The following CD109 variants were observed in gnomAD, a reference collection of about 807,000 sequenced individuals.
CD109 encodes CD109 antigen.
A neutral mutation model predicts 165.8 loss-of-function variants in CD109; 149 were observed. The ratio of observed to expected loss-of-function variants is 0.90; its 90% CI spans 0.79 to 1.03. The LOEUF is 1.03. Among genes scored for constraint, CD109 ranks in the 50% least tolerant of loss-of-function variants. The pLI, the probability that CD109 is intolerant of heterozygous loss-of-function variation, is 0.00. For synonymous variants in CD109, 585 were observed against 592.1 expected (o/e 0.99, Z 0.18); for missense variants, 1,712 against 1,677.8 (o/e 1.02, Z -0.36).
intron 26 of CD109, among the ~76,000 whole-genome samples, chr6:73,809,250 T>C (rs1775672823): frequency 6.6e-6 from 1 of 152,048 alleles, no homozygotes; most frequent in African/African-American, 2.4e-5. Flanking sequence ...CCTGGGGGCT[T>C]GAACCTCAAA....
At chr6:73,696,362 TC>T (rs1343993267) in intron 1 of CD109, 73 bp downstream of exon 1, 4 of 1,240,958 alleles carry the variant, frequency 3.2e-6, no homozygotes, top group Non-Finnish European at 4.2e-6. Context: ...GGCCAGGGCT[TC>T]GGGGAGGTGG....
chr6:73,698,235 GTCT>G (rs1770928499), intron 2 of CD109, among the ~76,000 whole-genome samples: 1 of 152,236 alleles, frequency 6.6e-6, no homozygotes, highest in East Asian at 1.9e-4. Flanking sequence ...GCCAATGAAT[GTCT>G]TCTTTTTCAG....
rs905698468 is a variant in CD109 at position 73,746,529 on chromosome 6, G to T, written c.633+10021G>T. Among the ~76,000 whole-genome samples, 6 of 152,182 alleles carry T rather than the reference G, an allele frequency of 3.9e-5. 2 individuals carry two copies. In the South Asian group the frequency reaches 6.2e-4, roughly 16 times the overall value. Reference sequence around the variant, plus strand: ...CTTCTACTTTGAGTAGGAACAGAGAGGGTTAAATGGGTGATTTTTGTTTAT... The same window carrying T: ...CTTCTACTTTGAGTAGGAACAGAGATGGTTAAATGGGTGATTTTTGTTTAT... On this transcript the variant is annotated intron_variant, in intron 5 of 32. Coordinates refer to ENST00000287097, the MANE Select transcript of CD109 (RefSeq NM_133493.5).
chr6:73,773,721 A>G (rs566699117), intron 15 of CD109, among the ~76,000 whole-genome samples: 1 of 151,498 alleles, frequency 6.6e-6, no homozygotes, highest in Non-Finnish European at 1.5e-5. Context: ...TGGCCAGATC[A>G]TTTTGCTCGT....
intron 29 of CD109, among the ~76,000 whole-genome samples, chr6:73,813,151 A>G (rs908909246): frequency 7.2e-5 from 11 of 152,234 alleles, no homozygotes; most frequent in Admixed American, 6.5e-4. Flanking sequence ...TTTTAAAACT[A>G]AAGGAAAAAT....
At chr6:73,745,707 T>C (rs544464445) in intron 5 of CD109, among the ~76,000 whole-genome samples, 1 of 152,250 alleles carries the variant, frequency 6.6e-6, no homozygotes, top group African/African-American at 2.4e-5. Context: ...ACCTTGGTCA[T>C]ATGAGGCTTA....
At chr6:73,733,964 A>C (rs1234991537) in intron 4 of CD109, among the ~76,000 whole-genome samples, 1 of 152,180 alleles carries the variant, frequency 6.6e-6, no homozygotes, top group Non-Finnish European at 1.5e-5. Flanking sequence ...CTCGAAGGGC[A>C]TGTGGGGCCA....
intron 2 of CD109, among the ~76,000 whole-genome samples, chr6:73,711,870 A>AG (rs978921085): frequency 6.6e-6 from 1 of 152,160 alleles, no homozygotes; most frequent in African/African-American, 2.4e-5. Context: ...TTATAGATTT[A>AG]GGGGGTACAT....
rs1449277283 is a variant in CD109 at position 73,787,311 on chromosome 6, G to A, written c.2415G>A (p.Gln805=). 1 of 1,613,938 alleles carries A rather than the reference G, an allele frequency of 6.2e-7. No homozygotes were observed. Among genetic ancestry groups the A allele is most frequent in the Non-Finnish European group, 8.5e-7 (1 of 1,179,946 alleles). The part of the protein sequence containing the change: ...TSNEINATGH[Q]QTLLVPSEDG... ...ATGAAATAAATGCCACAGGCCACCA[G>A]CAGACCCTTCTGGTTCCCAGTGAGG... The change falls in exon 21 of 33, where the codon CAG becomes CAA. Residue 805 remains glutamine, a synonymous_variant. Transcript: ENST00000287097.
Position 73,823,649 on chromosome 6 carries a change from C to T in CD109, c.*16C>T. The T allele has an allele frequency of 6.3e-7, 1 of 1,592,126 alleles. No individual in the cohort carries two copies. Among genetic ancestry groups the T allele is most frequent in the South Asian group, 1.1e-5 (1 of 89,972 alleles). On this transcript the variant is annotated 3_prime_UTR_variant, in exon 33 of 33. Coordinates refer to ENST00000287097, the MANE Select transcript of CD109 (RefSeq NM_133493.5). ...TTGGCTGTGATTTATTTTTAAAGGA[C>T]TCTGTGTAACACTAACATTTCCAGT...
chr6:73,701,231 C>T (rs1771066244), intron 2 of CD109, among the ~76,000 whole-genome samples: 2 of 151,860 alleles, frequency 1.3e-5, no homozygotes, highest in African/African-American at 2.4e-5. Context: ...TTGCTTGTCA[C>T]TGTTACCACT....
intron 5 of CD109, among the ~76,000 whole-genome samples, chr6:73,752,058 A>G (rs72955226): frequency 0.024 from 3,710 of 152,270 alleles, 68 homozygotes; most frequent in East Asian, 0.043. Flanking sequence ...TTAAAGTAAA[A>G]GGTACATCCA....
chr6:73,731,729 CT>C (rs563822143), intron 4 of CD109, among the ~76,000 whole-genome samples: 29 of 152,244 alleles, frequency 1.9e-4, no homozygotes, highest in Non-Finnish European at 4.0e-4. Flanking sequence ...CTGTGTGATC[CT>C]GGGTAAATTT....
rs2150141337 is a variant in CD109, at chr6:73,696,395, TG to T, written c.74+109del. ...GTGGCGGCTGCTGTGCAGCAGCGGG[TG>T]GGAAATGCCCTCGCGGCTGCAGTCC... On this transcript the variant is annotated intron_variant, in intron 1 of 32. Transcript: ENST00000287097. 13 of 956,508 alleles carry T rather than the reference TG, an allele frequency of 1.4e-5. No homozygotes were observed. In the South Asian group the frequency reaches 3.1e-4, roughly 23 times the overall value. 59.3% of individuals were successfully genotyped at this position (956,508 alleles called of 1,614,324 possible). A position where few individuals can be genotyped will look rare whatever the true frequency, so the allele number is the denominator to read the frequency against.
chr6:73,701,273 C>T (rs1221557328), intron 2 of CD109, among the ~76,000 whole-genome samples: 1 of 152,146 alleles, frequency 6.6e-6, no homozygotes, highest in Non-Finnish European at 1.5e-5. Context: ...AGCATCATTG[C>T]CATCAGCTCC....
At chr6:73,727,199 C>T (rs988540984) in intron 3 of CD109, among the ~76,000 whole-genome samples, 8 of 152,156 alleles carry the variant, frequency 5.3e-5, no homozygotes, top group African/African-American at 1.7e-4. Context: ...TCTTCAGTCT[C>T]ATTATGCGCC....
intron 22 of CD109, among the ~76,000 whole-genome samples, chr6:73,790,099 C>CT (rs56024477): frequency 0.011 from 1,452 of 130,056 alleles, 55 homozygotes; most frequent in African/African-American, 0.037. Flanking sequence ...GCTAAAAGTC[C>CT]TTTTTTTTTT....
intron 27 of CD109, among the ~76,000 whole-genome samples, chr6:73,810,741 A>G (rs879914382): frequency 4.6e-5 from 7 of 152,114 alleles, no homozygotes; most frequent in Non-Finnish European, 8.8e-5. Context: ...AAATAGCATA[A>G]CATGTGAACT....
chr6:73,769,691 C>T lies in CD109; in HGVS notation c.1674+1460C>T, dbSNP rs527543678. The stretch of plus-strand genomic sequence containing the variant: ...GGAATAAATAAATGAGCTGTAGGAG[C>T]GGCAAGAGATTTAGGTTTAGAAATC... On this transcript the variant is annotated intron_variant, in intron 14 of 32. Transcript: ENST00000287097. 4.6e-5 allele frequency among the ~76,000 whole-genome samples: 7 copies of T among 152,222 alleles called. No individual in the cohort carries two copies. The South Asian group carries it at 8.3e-4, about 18-fold the overall frequency.
Sources: allele counts gnomAD v4.1 joint callset (sites outside exome capture counted in the v4.1 genomes callset), GRCh38; gene constraint gnomAD v4.1.1; transcripts MANE v1.5; gene names NCBI Gene and HGNC (gene_info 2026-07-23, HGNC 2026-07-21).